The following ATP13A2 variants were observed in gnomAD, a reference collection of about 807,000 sequenced individuals.
ATP13A2 encodes the protein polyamine-transporting ATPase 13A2.
ATP13A2 carries 83 observed loss-of-function variants against 138.3 expected under a neutral mutation model. That is an observed-to-expected ratio of 0.60 (90% CI 0.50 to 0.72). The LOEUF (loss-of-function observed/expected upper bound fraction) is 0.72, where lower values mean the gene tolerates loss of function less well. Ranked by LOEUF, ATP13A2 falls within the 30% of genes least tolerant of loss-of-function variation. ATP13A2 has a pLI of 0.00. For missense variants in ATP13A2, 1,402 were observed against 1,606.4 expected (o/e 0.87, Z 2.17); for synonymous variants, 663 against 699.0 (o/e 0.95, Z 0.81).
intron 20 of ATP13A2, among the ~76,000 whole-genome samples, chr1:16,991,467 T>C (rs1298348469): frequency 6.6e-6 from 1 of 152,212 alleles, no homozygotes; most frequent in Non-Finnish European, 1.5e-5. Context: ...AGGTGCCACC[T>C]GGAACCCAGG....
chr1:17,009,380 C>A (rs966615451), intron 1 of ATP13A2, among the ~76,000 whole-genome samples: 6 of 145,932 alleles, frequency 4.1e-5, no homozygotes, highest in African/African-American at 1.5e-4. Flanking sequence ...GGGGCTTGAG[C>A]CTCTTCCTTT....
At chr1:17,005,804 T>C (rs1266272040) in intron 1 of ATP13A2, 26 bp from the exon 2 acceptor site, 7 of 1,583,466 alleles carry the variant, frequency 4.4e-6, no homozygotes, top group Non-Finnish European at 6.0e-6. Flanking sequence ...AGAAAGGTCA[T>C]TTGGGGAGGC....
intron 25 of ATP13A2, 49 bp from the exon 26 acceptor site, chr1:16,987,318 C>T (rs181067740): frequency 1.9e-6 from 3 of 1,574,750 alleles, no homozygotes; most frequent in African/African-American, 1.4e-5. Flanking sequence ...CTGGCCCTGG[C>T]AGCCCCTAGT....
intron 15 of ATP13A2, 55 bp from the exon 16 acceptor site, chr1:16,993,890 C>T: frequency 7.0e-7 from 1 of 1,431,220 alleles, no homozygotes; most frequent in Admixed American, 2.6e-5. Flanking sequence ...GGGTACCCTG[C>T]TGAGCTGGGC....
At chr1:16,999,924 GA>G in intron 11 of ATP13A2, 86 bp downstream of exon 11, 1 of 1,463,310 alleles carries the variant, frequency 6.8e-7, no homozygotes, top group South Asian at 1.4e-5. Context: ...AAAGGAAAAG[GA>G]AACTCAAATG....
At chr1:17,003,157 C>T (rs1376645659) in intron 6 of ATP13A2, among the ~76,000 whole-genome samples, 1 of 152,182 alleles carries the variant, frequency 6.6e-6, no homozygotes, top group Admixed American at 6.6e-5. Context: ...CCAGCATAAC[C>T]TCCCTCCGTG....
At chr1:17,008,067 C>T (rs2077629536) in intron 1 of ATP13A2, among the ~76,000 whole-genome samples, 1 of 152,012 alleles carries the variant, frequency 6.6e-6, no homozygotes, top group South Asian at 2.1e-4. Context: ...CATTTATTTA[C>T]TTATCACTCT....
chr1:16,986,681 C>A lies in ATP13A2; in HGVS notation c.3236-49G>T. ...GCAGGAGCCACGCCCCCCCGGCACC[C>A]ACAGACACACGTGTGCACGCCAGTC... On this transcript the variant is annotated intron_variant, in intron 27 of 28. Transcript: ENST00000326735. This position sits in a 1 kb window ranked among gnomAD's most constrained non-coding sequence, Gnocchi z 6.9. 1 of 1,574,570 alleles carries A rather than the reference C, an allele frequency of 6.4e-7. No homozygotes were observed. Among genetic ancestry groups the A allele is most frequent in the Non-Finnish European group, 8.6e-7 (1 of 1,164,816 alleles).
At position 16,994,196 on chromosome 1, in the gene ATP13A2, TCA is replaced by T. The variant is rs1491528918; in HGVS notation, c.1543-363_1543-362del. On this transcript the variant is annotated intron_variant, in intron 15 of 28. Coordinates refer to ENST00000326735, the MANE Select transcript of ATP13A2 (RefSeq NM_022089.4). ...CCACGGTTGGCTCGCTCTCTCTCTC[TCA>T]TTTATTTATTTATTTATTTATTTAT... Among the ~76,000 whole-genome samples the T allele has an allele frequency of 3.4e-4, 50 of 146,796 alleles. 2 individuals carry two copies. In the East Asian group the frequency reaches 9.3e-3, roughly 27 times the overall value.
Position 17,004,580 on chromosome 1 carries a change from G to A in ATP13A2, c.477+112C>T, listed in dbSNP as rs2077480232. 2 of 1,601,478 alleles carry A rather than the reference G, an allele frequency of 1.2e-6. No individual in the cohort carries two copies. Among genetic ancestry groups the A allele is most frequent in the East Asian group, 4.5e-5 (2 of 44,662 alleles). ...AACGTGCTCAGACAGCATCCTGGATGTTTGGGACAACAGAACTAAAAGGTG... is the reference window on the plus strand; with the variant it reads ...AACGTGCTCAGACAGCATCCTGGATATTTGGGACAACAGAACTAAAAGGTG... On this transcript the variant is annotated intron_variant, in intron 5 of 28. Coordinates refer to ENST00000326735, the MANE Select transcript of ATP13A2 (RefSeq NM_022089.4). This position sits in a 1 kb window ranked among gnomAD's most constrained non-coding sequence, Gnocchi z 4.1.
intron 16 of ATP13A2, among the ~76,000 whole-genome samples, chr1:16,993,220 C>G (rs1453246029): frequency 6.6e-6 from 1 of 151,806 alleles, no homozygotes; most frequent in Admixed American, 6.6e-5. Flanking sequence ...CCTGGCCTAT[C>G]ATTATTATTT....
In ATP13A2 at chr1:16,995,184, CTCACTGAGG is replaced by C. The variant is rs368000541; in HGVS notation, c.1542+783_1542+791del. ...ACCCTTGCTTCTCCTCGACCTGCCCCTCACTGAGGTCACTGAGGGACCTGCTCAGGGGGC... is the reference window on the plus strand; with the variant it reads ...ACCCTTGCTTCTCCTCGACCTGCCCCTCACTGAGGGACCTGCTCAGGGGGC... On this transcript the variant is annotated intron_variant, in intron 15 of 28. Transcript: ENST00000326735. The surrounding 1 kb of genome is among the most constrained non-coding windows in gnomAD (Gnocchi z 4.1). 4.6e-5 allele frequency among the ~76,000 whole-genome samples: 7 copies of C among 152,358 alleles called. No individual in the cohort carries two copies. The highest frequency in any genetic ancestry group is 3.9e-4 in the East Asian group (2 of 5,178).
intron 18 of ATP13A2, 52 bp downstream of exon 18, chr1:16,992,191 C>A: frequency 6.2e-7 from 1 of 1,611,626 alleles, no homozygotes; most frequent in Non-Finnish European, 8.5e-7. Flanking sequence ...GGGTACCCAC[C>A]CCATTCTGTG....
rs1196536158 is a variant in ATP13A2, at chr1:16,993,671, C to T, written c.1707G>A (p.Val569=). The T allele has an allele frequency of 1.3e-6, 2 of 1,595,690 alleles. No homozygotes were observed. The highest frequency in any genetic ancestry group is 1.7e-6 in the Non-Finnish European group (2 of 1,171,754). ...HALSRLQDTP[V]GDPMDLKMVE... is the part of the protein sequence containing the mutation. Reference sequence around the variant, plus strand: ...CCATCTTCAAGTCCATGGGGTCGCCCACGGGGGTGTCCTGGAGCCGGCTGA... The same window carrying T: ...CCATCTTCAAGTCCATGGGGTCGCCTACGGGGGTGTCCTGGAGCCGGCTGA... The change falls in exon 16 of 29, where the codon GTG becomes GTA. Residue 569 remains valine (V), a synonymous_variant. Coordinates refer to ENST00000326735, the MANE Select transcript of ATP13A2 (RefSeq NM_022089.4).
At chr1:17,007,408 G>T (rs1008023761) in intron 1 of ATP13A2, among the ~76,000 whole-genome samples, 2 of 152,134 alleles carry the variant, frequency 1.3e-5, no homozygotes, top group Admixed American at 1.3e-4. Context: ...GCCGGGGTAG[G>T]GATGGTGCTA....
At chr1:16,991,314 G>C (rs573251105) in intron 20 of ATP13A2, among the ~76,000 whole-genome samples, 2 of 151,620 alleles carry the variant, frequency 1.3e-5, no homozygotes, top group African/African-American at 4.8e-5. Context: ...TGAACTCCAG[G>C]GTTCAAGACA....
chr1:17,005,594 GA>G (rs2077526381), intron 2 of ATP13A2, 38 bp from the exon 3 acceptor site: 1 of 1,613,922 alleles, frequency 6.2e-7, no homozygotes, highest in Non-Finnish European at 8.5e-7. Flanking sequence ...GTCGGGGTGG[GA>G]ACGGGGCTGG....
intron 15 of ATP13A2, among the ~76,000 whole-genome samples, chr1:16,994,866 A>C (rs1321504445): frequency 1.3e-5 from 2 of 150,716 alleles, no homozygotes; most frequent in African/African-American, 4.9e-5. Flanking sequence ...GTTTCACCAT[A>C]TTGGCCAGGC....
At position 17,004,680 on chromosome 1, in the gene ATP13A2, T is replaced by C. The variant is rs371492102; in HGVS notation, c.477+12A>G. On this transcript the variant is annotated intron_variant, in intron 5 of 28. Transcript: ENST00000326735. This position sits in a 1 kb window ranked among gnomAD's most constrained non-coding sequence, Gnocchi z 4.1. ...AGGCCGAGAGAGGGGCAAGGACTTT[T>C]TCAGAACCCACCTGTCCGACACTCA... The C allele has an allele frequency of 5.6e-6, 9 of 1,613,840 alleles. No individual in the cohort carries two copies. The highest frequency in any genetic ancestry group is 4.5e-5 in the East Asian group (2 of 44,894).
Sources: allele counts gnomAD v4.1 joint callset (sites outside exome capture counted in the v4.1 genomes callset), GRCh38; gene constraint gnomAD v4.1.1; non-coding constraint Gnocchi (gnomAD v3.1); transcripts MANE v1.5; gene names NCBI Gene and HGNC (gene_info 2026-07-23, HGNC 2026-07-21).